AK3: variants seen among roughly 807,000 people sequenced by gnomAD.
AK3 encodes adenylate kinase 3.
In AK3, 27 loss-of-function variants were observed where a neutral mutation model predicts 23.7. That is an observed-to-expected ratio of 1.14 (90% CI 0.84 to 1.57). AK3 has a LOEUF of 1.57. Among genes scored for constraint, AK3 ranks in the 40% most tolerant of loss-of-function variants. The probability of loss-of-function intolerance (pLI) is 0.00; values close to 1 mark genes in which losing one functional copy is unlikely to be tolerated. For missense variants in AK3, 406 were observed against 285.6 expected (o/e 1.42, Z -3.04); for synonymous variants, 159 against 116.0 (o/e 1.37, Z -2.38).
At chr9:4,720,199 T>C (rs932027718) in intron 2 of AK3, among the ~76,000 whole-genome samples, 2 of 152,032 alleles carry the variant, frequency 1.3e-5, no homozygotes, top group African/African-American at 2.4e-5. Flanking sequence ...AGCTAAACAA[T>C]GTGGTTCAAA....
At chr9:4,736,964 C>T (rs1292009874) in intron 1 of AK3, among the ~76,000 whole-genome samples, 1 of 152,168 alleles carries the variant, frequency 6.6e-6, no homozygotes, top group Non-Finnish European at 1.5e-5. Context: ...AGGCATAAGC[C>T]ACCACACCTA....
rs1841496921 is a variant in AK3 at position 4,709,611 on chromosome 9, A to T, written c.*3365T>A. 6.6e-6 allele frequency: 1 copy of T among 152,200 alleles called. No homozygotes were observed. The highest frequency in any genetic ancestry group is 2.1e-4 in the South Asian group (1 of 4,834). 9.4% of individuals were successfully genotyped at this position (152,200 alleles called of 1,614,324 possible). Reference sequence around the variant, plus strand: ...GCTATATATGGAAAAATCAGTGTTTATATTATTTAGTGAGCTAAAAACAAA... The same window carrying T: ...GCTATATATGGAAAAATCAGTGTTTTTATTATTTAGTGAGCTAAAAACAAA... On this transcript the variant is annotated 3_prime_UTR_variant, in exon 5 of 5. Coordinates refer to ENST00000381809, the MANE Select transcript of AK3 (RefSeq NM_016282.4).
chr9:4,715,391 C>CTTT (rs35400602), intron 4 of AK3, among the ~76,000 whole-genome samples: 10,305 of 126,996 alleles, frequency 0.081, 650 homozygotes, highest in East Asian at 0.22. Context: ...TCCCTTACTA[C>CTTT]TTTTTTTTTT....
At chr9:4,722,696 T>G (rs373608693) in intron 1 of AK3, 71 bp from the exon 2 acceptor site, 2 of 1,595,166 alleles carry the variant, frequency 1.3e-6, no homozygotes, top group Non-Finnish European at 1.7e-6. Context: ...TCGGAACGAG[T>G]TGCCTAAAGG....
chr9:4,738,205 A>T (rs1400637594), intron 1 of AK3, among the ~76,000 whole-genome samples: 2 of 152,188 alleles, frequency 1.3e-5, no homozygotes, highest in African/African-American at 4.8e-5. Context: ...CGCTCTTTTC[A>T]CCTAGGCTGG....
At chr9:4,732,455 A>G (rs894990573) in intron 1 of AK3, among the ~76,000 whole-genome samples, 16 of 152,200 alleles carry the variant, frequency 1.1e-4, no homozygotes, top group African/African-American at 3.4e-4. Flanking sequence ...CCCTAACCCC[A>G]AAGTTGTTCA....
chr9:4,712,958 A>T lies in AK3; in HGVS notation c.*18T>A. The T allele has an allele frequency of 3.7e-6, 6 of 1,610,680 alleles. No homozygotes were observed. The highest frequency in any genetic ancestry group is 5.1e-6 in the Non-Finnish European group (6 of 1,178,466). Reference sequence around the variant, plus strand: ...GAGGTTTGCCCATCTTACTATTAATAGTTACACACATTTCTCCTCATGGAG... The same window carrying T: ...GAGGTTTGCCCATCTTACTATTAATTGTTACACACATTTCTCCTCATGGAG... On this transcript the variant is annotated 3_prime_UTR_variant, in exon 5 of 5. Transcript: ENST00000381809.
chr9:4,732,856 TTCTCTCTC>T (rs775500324), intron 1 of AK3, among the ~76,000 whole-genome samples: 4 of 145,520 alleles, frequency 2.7e-5, no homozygotes, highest in African/African-American at 9.9e-5. Flanking sequence ...TAAATAACAG[TTCTCTCTC>T]TCTCTCTTTT....
rs1210181872 is a variant in AK3 at position 4,711,697 on chromosome 9, C to T, written c.*1279G>A. The T allele has an allele frequency of 1.3e-5, 2 of 152,134 alleles. No homozygotes were observed. Among genetic ancestry groups the T allele is most frequent in the Admixed American group, 1.3e-4 (2 of 15,264 alleles). 9.4% of individuals were successfully genotyped at this position (152,134 alleles called of 1,614,324 possible). On this transcript the variant is annotated 3_prime_UTR_variant, in exon 5 of 5. Transcript: ENST00000381809. ...AGACATAATCAAGTTTTTCCTCCAT[C>T]TCTCATATTTCCCCACTTCTACCAG...
chr9:4,741,710 C>G (rs970730727), upstream of AK3: 3 of 152,538 alleles, frequency 2.0e-5, no homozygotes, highest in Admixed American at 1.3e-4. Context: ...CCATAGCAGG[C>G]GCTGCCCTAC....
At chr9:4,736,989 T>C (rs976512321) in intron 1 of AK3, among the ~76,000 whole-genome samples, 1 of 151,314 alleles carries the variant, frequency 6.6e-6, no homozygotes, top group African/African-American at 2.4e-5. Context: ...GGGTTATGTC[T>C]CTGAGACGCA....
chr9:4,719,105 C>G, intron 3 of AK3, 30 bp downstream of exon 3: 1 of 1,610,896 alleles, frequency 6.2e-7, no homozygotes, highest in Non-Finnish European at 8.5e-7. Flanking sequence ...GGACAGTCTG[C>G]TATGTGACAG....
intron 3 of AK3, among the ~76,000 whole-genome samples, 174 bp from the exon 4 acceptor site, chr9:4,718,711 G>C (rs769604868): frequency 1.1e-4 from 17 of 152,092 alleles, no homozygotes; most frequent in Admixed American, 2.6e-4. Flanking sequence ...ACAGAAACAG[G>C]GTACGCCAGT....
chr9:4,728,924 AATATATACATAC>A lies in AK3; in HGVS notation c.152-6311_152-6300del, dbSNP rs1223559746. On this transcript the variant is annotated intron_variant, in intron 1 of 4. Transcript: ENST00000381809. ...ATACTTATATATATACATACATATA[AATATATACATAC>A]ATATATACATACATATATATACACA... Among the ~76,000 whole-genome samples the A allele has an allele frequency of 1.2e-4, 18 of 145,184 alleles. No individual in the cohort carries two copies. In the South Asian group the frequency reaches 1.5e-3, roughly 12 times the overall value.
intron 2 of AK3, 54 bp downstream of exon 2, chr9:4,722,452 C>T (rs1841923164): frequency 6.2e-7 from 1 of 1,611,284 alleles, no homozygotes; most frequent in Non-Finnish European, 8.5e-7. Flanking sequence ...TGCTCATTCT[C>T]CTGCCAGCAC....
chr9:4,729,015 A>ATATATTTTTTTT (rs71326127), intron 1 of AK3, among the ~76,000 whole-genome samples: 19 of 129,434 alleles, frequency 1.5e-4, no homozygotes, highest in East Asian at 1.4e-3. Flanking sequence ...ATATATATAT[A>ATATATTTTTTTT]TTTTTTTTTT....
In AK3 at chr9:4,713,330, C is replaced by T. The variant is rs377541965; in HGVS notation, c.564-234G>A. 6.4e-4 allele frequency among the ~76,000 whole-genome samples: 97 copies of T among 152,292 alleles called. 1 individual carries two copies. Among genetic ancestry groups the T allele is most frequent in the Middle Eastern group, 3.4e-3 (1 of 294 alleles). ...TGCTTAAAAAAATAACAGCACCTAT[C>T]ATTTATTTTATTTATTGAACATGCA... is the stretch of plus-strand genomic sequence containing the variant. On this transcript the variant is annotated intron_variant, in intron 4 of 4. Transcript: ENST00000381809.
At chr9:4,727,137 A>T (rs79383238) in intron 1 of AK3, among the ~76,000 whole-genome samples, 1 of 152,280 alleles carries the variant, frequency 6.6e-6, no homozygotes, top group East Asian at 1.9e-4. Flanking sequence ...GGCAGGGTAG[A>T]TTTAGATAAT....
At position 4,710,598 on chromosome 9, in the gene AK3, C is replaced by T. The variant is rs560520450; in HGVS notation, c.*2378G>A. 2 of 152,194 alleles carry T rather than the reference C, an allele frequency of 1.3e-5. No individual in the cohort carries two copies. Among genetic ancestry groups the T allele is most frequent in the East Asian group, 3.9e-4 (2 of 5,170 alleles). 9.4% of individuals were successfully genotyped at this position (152,194 alleles called of 1,614,324 possible). On this transcript the variant is annotated 3_prime_UTR_variant, in exon 5 of 5. Transcript: ENST00000381809. The stretch of plus-strand genomic sequence containing the variant: ...TCCATACATGTATTTCCATGTGGTA[C>T]ATAAATCTTAATGATGGTCATTACA...
Sources: gnomAD v4.1 joint callset for allele counts (sites outside exome capture counted in the v4.1 genomes callset) on GRCh38, gnomAD v4.1.1 for gene constraint, MANE v1.5 for transcripts, NCBI Gene and HGNC (gene_info 2026-07-23, HGNC 2026-07-21) for gene names.